Variants in NPC1L1 observed in about 807,000 individuals in gnomAD.
The protein encoded by NPC1L1 is NPC1-like intracellular cholesterol transporter 1.
A neutral mutation model predicts 117.0 loss-of-function variants in NPC1L1; 98 were observed. The observed-to-expected ratio is 0.84, with a 90% CI of 0.71 to 0.99. The LOEUF is 0.99. Among genes scored for constraint, NPC1L1 ranks in the 50% least tolerant of loss-of-function variants. NPC1L1 has a pLI of 0.00. For missense variants in NPC1L1, 1,540 were observed against 1,710.0 expected (o/e 0.90, Z 1.75); for synonymous variants, 729 against 727.6 (o/e 1.00, Z -0.03).
At chr7:44,537,434 G>A (rs142936243) in intron 2 of NPC1L1, among the ~76,000 whole-genome samples, 134 of 152,264 alleles carry the variant, frequency 8.8e-4, no homozygotes, top group African/African-American at 3.0e-3. Context: ...TAGGGCCCCC[G>A]AAACCCTTTA....
intron 10 of NPC1L1, among the ~76,000 whole-genome samples, chr7:44,524,323 A>G (rs539655916): frequency 6.6e-6 from 1 of 152,358 alleles, no homozygotes; most frequent in Admixed American, 6.5e-5. Flanking sequence ...ACCACATTAT[A>G]AGAATCAAAT....
At chr7:44,514,645 G>A (rs1039909996) in intron 18 of NPC1L1, among the ~76,000 whole-genome samples, 3 of 152,028 alleles carry the variant, frequency 2.0e-5, no homozygotes, top group African/African-American at 7.2e-5. Context: ...TCCAGCCTGG[G>A]CAACAGAGAG....
chr7:44,532,628 G>A (rs974363117), intron 8 of NPC1L1, among the ~76,000 whole-genome samples: 9 of 152,132 alleles, frequency 5.9e-5, no homozygotes, highest in East Asian at 1.9e-4. Flanking sequence ...CTTTCACTTC[G>A]TGAATAGTAA....
At chr7:44,521,861 T>C in intron 11 of NPC1L1, 25 bp from the exon 12 acceptor site, 2 of 1,612,418 alleles carry the variant, frequency 1.2e-6, no homozygotes, top group Non-Finnish European at 1.7e-6. Flanking sequence ...GGAGGAAGGG[T>C]GAAAAGGCCA....
At chr7:44,520,017 T>C (rs911883725) in intron 14 of NPC1L1, among the ~76,000 whole-genome samples, 2 of 152,112 alleles carry the variant, frequency 1.3e-5, no homozygotes, top group African/African-American at 4.8e-5. Flanking sequence ...CAGTGGCTCA[T>C]GCCTGTAATA....
Position 44,534,338 on chromosome 7 carries a change from G to A in NPC1L1, c.2166+109C>T, listed in dbSNP as rs1801794831. 3.0e-6 allele frequency: 3 copies of A among 1,007,554 alleles called. No homozygotes were observed. Among genetic ancestry groups the A allele is most frequent in the South Asian group, 2.6e-5 (2 of 78,012 alleles). The allele number at this position is 1,007,554 out of a possible 1,614,324, so 62.4% of individuals were successfully genotyped here. A position where few individuals can be genotyped will look rare whatever the true frequency, so the allele number is the denominator to read the frequency against. On this transcript the variant is annotated intron_variant, in intron 6 of 18. Transcript: ENST00000381160. This position sits in a 1 kb window ranked among gnomAD's most constrained non-coding sequence, Gnocchi z 5.2. ...AAACATGCGTGTCGATGAACAGAAA[G>A]AGTCTGCAGGGAGACCCAGCAAATT...
rs113263098 is a variant in NPC1L1 at position 44,525,264 on chromosome 7, AT to A, written c.2638-3023del. Among the ~76,000 whole-genome samples the A allele has an allele frequency of 6.3e-3, 927 of 147,880 alleles. 7 individuals are homozygous for A. Among genetic ancestry groups the A allele is most frequent in the African/African-American group, 0.018 (749 of 40,530 alleles). ...GAAACCCACACCAACGGATATTATA[AT>A]TTTTTTTTTTTGAGATGGAGTCTTG... On this transcript the variant is annotated intron_variant, in intron 10 of 18. Coordinates refer to ENST00000381160, the MANE Select transcript of NPC1L1 (RefSeq NM_001101648.2).
chr7:44,533,909 A>C, intron 6 of NPC1L1, 56 bp from the exon 7 acceptor site: 4 of 1,454,582 alleles, frequency 2.7e-6, no homozygotes, highest in Non-Finnish European at 3.8e-6. Flanking sequence ...CCGCCCCTCA[A>C]AGGCCAGCAG....
At chr7:44,529,906 C>T (rs534410391) in intron 10 of NPC1L1, among the ~76,000 whole-genome samples, 19 of 151,160 alleles carry the variant, frequency 1.3e-4, no homozygotes, top group African/African-American at 3.9e-4. Flanking sequence ...TGGTGGCACA[C>T]GGCTGTAGTC....
intron 18 of NPC1L1, among the ~76,000 whole-genome samples, chr7:44,515,311 G>A (rs1397603014): frequency 6.6e-6 from 1 of 150,488 alleles, no homozygotes; most frequent in African/African-American, 2.4e-5. Flanking sequence ...CTGTGATCAT[G>A]CTACTGCACT....
In NPC1L1 at chr7:44,539,802, C is replaced by T; in HGVS notation, c.595G>A (p.Ala199Thr). The change falls in exon 2 of 19, where the codon GCC (alanine) becomes ACC (threonine). Residue 199 changes from alanine to threonine, a missense_variant. Physicochemically the swap from Ala to Thr is moderately conservative, Grantham distance 58. Around this residue, in one of 3 missense-constraint regions of NPC1L1, gnomAD observed 793 missense variants for 820.4 expected, o/e 0.97. Transcript: ENST00000381160. The surrounding 1 kb of genome is among the most constrained non-coding windows in gnomAD (Gnocchi z 4.4). ...CCCTGGAAGTTGAGCCAGCGCTGGGCATTGCAAAGGGCAGAGCCATACACG... is the reference window on the plus strand; with the variant it reads ...CCCTGGAAGTTGAGCCAGCGCTGGGTATTGCAAAGGGCAGAGCCATACACG... Reference protein sequence around the residue: ...CGVYGSALCNAQRWLNFQGDT... With the variant: ...CGVYGSALCNTQRWLNFQGDT... The T allele has an allele frequency of 6.2e-7, 1 of 1,614,114 alleles. No homozygotes were observed. Among genetic ancestry groups the T allele is most frequent in the Non-Finnish European group, 8.5e-7 (1 of 1,180,034 alleles).
At chr7:44,531,943 G>T in intron 9 of NPC1L1, 99 bp from the exon 10 acceptor site, 2 of 1,521,834 alleles carry the variant, frequency 1.3e-6, no homozygotes, top group African/African-American at 2.8e-5. Context: ...CAACATTCTG[G>T]AGTTGAGCAG....
rs141912074 is a variant in NPC1L1, at chr7:44,536,300, G to A, written c.1810C>T (p.Gln604Ter). The A allele has an allele frequency of 3.1e-6, 5 of 1,614,094 alleles. No homozygotes were observed. The African/African-American group carries it at 6.7e-5, about 22-fold the overall frequency. Residue 604 changes from glutamine to a stop codon, truncating the protein, a stop_gained, in exon 4 of 19, where the codon CAG becomes TAG. Transcript: ENST00000381160. LOFTEE classifies it high-confidence loss of function. This position sits in a 1 kb window ranked among gnomAD's most constrained non-coding sequence, Gnocchi z 4.7. ...EAFLEEMRAFQRRMAGMFQVT... is the reference protein window; with the variant it reads ...EAFLEEMRAF The stretch of plus-strand genomic sequence containing the variant: ...TGGAACATGCCAGCCATCCGACGCT[G>A]GAAGGCTCGCATTTCCTCTAAGAAG...
At chr7:44,522,879 G>T (rs1325531625) in intron 10 of NPC1L1, among the ~76,000 whole-genome samples, 12 of 151,008 alleles carry the variant, frequency 7.9e-5, no homozygotes, top group African/African-American at 2.9e-4. Context: ...CCATATTTGT[G>T]TGCACATATA....
At position 44,513,962 on chromosome 7, in the gene NPC1L1, C is replaced by G. The variant is rs150223645; in HGVS notation, c.3797-313G>C. Among the ~76,000 whole-genome samples, 623 of 152,248 alleles carry G rather than the reference C, an allele frequency of 4.1e-3. 7 individuals carry two copies. Among genetic ancestry groups the G allele is most frequent in the African/African-American group, 0.014 (592 of 41,512 alleles). On this transcript the variant is annotated intron_variant, in intron 18 of 18. Transcript: ENST00000381160. ...CTTATGTCTCATCCACCACCCCCAG[C>G]GCACACACTCTACTCCTTCCAAGAG...
chr7:44,541,164 C>T (rs761299512), intron 1 of NPC1L1, 42 bp downstream of exon 1: 1 of 1,546,640 alleles, frequency 6.5e-7, no homozygotes. Context: ...GGGTCCCTAA[C>T]TGGAGGCCGC....
chr7:44,521,820 G>C lies in NPC1L1; in HGVS notation c.2845C>G (p.Pro949Ala), dbSNP rs1801364562. ...AAGTCATCCACCCAGGAGGAGGCAG[G>C]GATGGCCAGGTAAGACCTAAGGGGC... ...EFPEQSYLAI[P>A]ASSWVDDFID... The change falls in exon 12 of 19, where the codon CCT becomes GCT. Residue 949 changes from proline (P) to alanine (A), a missense_variant. This residue lies in a region of NPC1L1 where 742 missense variants were observed against 873.6 expected (regional missense o/e 0.85). Transcript: ENST00000381160. 1 of 1,614,044 alleles carries C rather than the reference G, an allele frequency of 6.2e-7. No homozygotes were observed. Among genetic ancestry groups the C allele is most frequent in the Admixed American group, 1.7e-5 (1 of 59,994 alleles).
At chr7:44,518,232 C>T (rs957665071) in intron 14 of NPC1L1, among the ~76,000 whole-genome samples, 7 of 151,612 alleles carry the variant, frequency 4.6e-5, no homozygotes, top group African/African-American at 1.7e-4. Context: ...TGCAGTGGTG[C>T]GATCTTGGCT....
chr7:44,539,210 A>G lies in NPC1L1; in HGVS notation c.1187T>C (p.Phe396Ser). The G allele has an allele frequency of 6.2e-7, 1 of 1,614,070 alleles. No homozygotes were observed. Among genetic ancestry groups the G allele is most frequent in the Non-Finnish European group, 8.5e-7 (1 of 1,180,022 alleles). The change falls in exon 2 of 19, where the codon TTC (phenylalanine) becomes TCC (serine). Residue 396 changes from phenylalanine to serine, a missense_variant. This residue lies in a region of NPC1L1 where 793 missense variants were observed against 820.4 expected (regional missense o/e 0.97). Transcript: ENST00000381160. The surrounding 1 kb of genome is among the most constrained non-coding windows in gnomAD (Gnocchi z 4.4). ...PNSQARSEKA[F>S]HDQHFGPFFR... ...GAAGGGGCCGAAATGCTGGTCATGGAAAGCTTTCTCACTCCGGGCTTGGCT... is the reference window on the plus strand; with the variant it reads ...GAAGGGGCCGAAATGCTGGTCATGGGAAGCTTTCTCACTCCGGGCTTGGCT...
Sources: gnomAD v4.1 joint callset for allele counts (sites outside exome capture counted in the v4.1 genomes callset) on GRCh38, gnomAD v4.1.1 for gene constraint, gnomAD v4.1.1 regional missense constraint, Gnocchi (gnomAD v3.1) non-coding constraint, MANE v1.5 for transcripts, NCBI Gene and HGNC (gene_info 2026-07-23, HGNC 2026-07-21) for gene names.